CR1: variants seen among roughly 807,000 people sequenced by gnomAD.
CR1 encodes complement C3b/C4b receptor 1 (Knops blood group).
A neutral mutation model predicts 187.3 loss-of-function variants in CR1; 116 were observed. That is an observed-to-expected ratio of 0.62 (90% CI 0.53 to 0.72). The LOEUF (loss-of-function observed/expected upper bound fraction) is 0.72, where lower values mean the gene tolerates loss of function less well. Ranked by LOEUF, CR1 falls within the 30% of genes least tolerant of loss-of-function variation. CR1 has a pLI of 0.00. For synonymous variants in CR1, 576 were observed against 747.1 expected (o/e 0.77, Z 3.73); for missense variants, 1,731 against 2,110.7 (o/e 0.82, Z 3.52).
chr1:207,597,490 A>G (rs1332928509), intron 35 of CR1, among the ~76,000 whole-genome samples: 3 of 152,226 alleles, frequency 2.0e-5, no homozygotes, highest in African/African-American at 4.8e-5. Flanking sequence ...AAACACATCA[A>G]AAGATGTTCA....
At chr1:207,520,338 T>C (rs1659936148) in intron 4 of CR1, among the ~76,000 whole-genome samples, 1 of 152,224 alleles carries the variant, frequency 6.6e-6, no homozygotes, top group Non-Finnish European at 1.5e-5. Flanking sequence ...CTGCATGGAC[T>C]TCGCAGATAT....
At chr1:207,617,596 TATATATATATATATATAGAGAGAGAGAG>T (rs1299348625) in intron 41 of CR1, among the ~76,000 whole-genome samples, 2,338 of 41,490 alleles carry the variant, frequency 0.056, 36 homozygotes, top group East Asian at 0.1. Flanking sequence ...TATATATATA[TATATATATATATATATAGAGAGAGAGAG>T]AGAGAGAGAG....
intron 35 of CR1, 68 bp downstream of exon 35, chr1:207,588,842 C>T (rs1661187755): frequency 9.2e-7 from 1 of 1,084,358 alleles, no homozygotes; most frequent in Non-Finnish European, 1.4e-6. Flanking sequence ...GACCCAGTCT[C>T]AGATAGACAA....
chr1:207,633,335 T>A (rs1357675385), intron 46 of CR1, among the ~76,000 whole-genome samples: 1 of 152,220 alleles, frequency 6.6e-6, no homozygotes, highest in Non-Finnish European at 1.5e-5. Context: ...ATATAAAAAT[T>A]ACCTGCAATA....
intron 3 of CR1, among the ~76,000 whole-genome samples, chr1:207,508,496 A>G (rs184715334): frequency 6.6e-6 from 1 of 152,372 alleles, no homozygotes; most frequent in African/African-American, 2.4e-5. Context: ...GCATAGACAT[A>G]AATACATGGG....
At chr1:207,605,367 A>ACACACACACACG (rs1661719388) in intron 35 of CR1, among the ~76,000 whole-genome samples, 1 of 151,852 alleles carries the variant, frequency 6.6e-6, no homozygotes, top group Non-Finnish European at 1.5e-5. Context: ...ACACACACAC[A>ACACACACACACG]CACAAAACAA....
intron 27 of CR1, among the ~76,000 whole-genome samples, chr1:207,572,986 T>C (rs71253166): frequency 2.9e-4 from 44 of 152,188 alleles, no homozygotes; most frequent in South Asian, 6.2e-4. Flanking sequence ...TAGGGCCTAC[T>C]TTCATGACCT....
rs781318445 is a variant in CR1, at chr1:207,609,244, C to T, written c.5897-46C>T. ...TATTTAAATTCATAGTAAAATAATTCATTATTAAAAAATAAGCTGTTTTAC... is the reference window on the plus strand; with the variant it reads ...TATTTAAATTCATAGTAAAATAATTTATTATTAAAAAATAAGCTGTTTTAC... On this transcript the variant is annotated intron_variant, in intron 36 of 46. Coordinates refer to ENST00000367049, the MANE Select transcript of CR1 (RefSeq NM_000651.6). The T allele has an allele frequency of 2.7e-6, 4 of 1,455,516 alleles. No individual in the cohort carries two copies. In the East Asian group the frequency reaches 7.0e-5, roughly 26 times the overall value. The allele number at this position is 1,455,516 out of a possible 1,614,324, so 90.2% of individuals were successfully genotyped here. A position where few individuals can be genotyped will look rare whatever the true frequency, so the allele number is the denominator to read the frequency against.
At chr1:207,568,140 T>A in intron 25 of CR1, 98 bp downstream of exon 25, 2 of 1,598,426 alleles carry the variant, frequency 1.3e-6, no homozygotes, top group Non-Finnish European at 8.5e-7. Context: ...TTTGTATGTA[T>A]GCATTTGCCA....
chr1:207,496,418 C>G, intron 1 of CR1, 30 bp downstream of exon 1: 1 of 1,583,270 alleles, frequency 6.3e-7, no homozygotes, highest in Non-Finnish European at 8.6e-7. Context: ...GGGGAGGCGC[C>G]CGGGCGGACG....
rs781494007 is a variant in CR1 at position 207,577,841 on chromosome 1, G to A, written c.4574G>A (p.Gly1525Glu). 3 of 1,613,780 alleles carry A rather than the reference G, an allele frequency of 1.9e-6. No homozygotes were observed. The highest frequency in any genetic ancestry group is 1.3e-5 in the African/African-American group (1 of 74,908). The change falls in exon 29 of 47, where the codon GGA (glycine) becomes GAA (glutamate). Residue 1525 changes from glycine (G) to glutamate (E), a missense_variant. By Grantham distance (98) the Gly-to-Glu change is moderately conservative. Transcript: ENST00000367049. ...GGGCTACCCCCAACCATCGCCAATG[G>A]AGATTTCATTAGCACCAACAGAGAG... The part of the protein sequence containing the change: ...PCGLPPTIAN[G>E]DFISTNRENF...
rs139593962 is a variant in CR1 at position 207,564,749 on chromosome 1, C to A, written c.3866+515C>A. ...CTGGGAGGTGGAGTTTGCAGTGAGC[C>A]GAGATGGCACCATTGCACTCCAGCG... is the stretch of plus-strand genomic sequence containing the variant. On this transcript the variant is annotated intron_variant, in intron 23 of 46. Transcript: ENST00000367049. 1.5e-4 allele frequency among the ~76,000 whole-genome samples: 22 copies of A among 150,048 alleles called. No homozygotes were observed. The East Asian group carries it at 4.1e-3, about 28-fold the overall frequency.
At chr1:207,575,459 G>A (rs1247405173) in intron 27 of CR1, 136 bp from the exon 28 acceptor site, 35 of 1,077,508 alleles carry the variant, frequency 3.2e-5, no homozygotes, top group Non-Finnish European at 4.8e-5. Context: ...TAGAAGAGCT[G>A]GAAACAATAG....
At position 207,615,429 on chromosome 1, in the gene CR1, A is replaced by C. The variant is rs571177337; in HGVS notation, c.6661+940A>C. ...TATGATAAATTAGTACGATGGAAGG[A>C]GCTGGGATGATGAATCAGTGTCTGA... On this transcript the variant is annotated intron_variant, in intron 40 of 46. Transcript: ENST00000367049. Among the ~76,000 whole-genome samples, 29 of 152,326 alleles carry C rather than the reference A, an allele frequency of 1.9e-4. No homozygotes were observed. The South Asian group carries it at 6.0e-3, about 32-fold the overall frequency.
At chr1:207,576,999 C>A (rs1660768112) in intron 28 of CR1, among the ~76,000 whole-genome samples, 2 of 152,096 alleles carry the variant, frequency 1.3e-5, no homozygotes, top group Admixed American at 6.5e-5. Context: ...GCCTGTACTC[C>A]CAGCACATTA....
Position 207,583,110 on chromosome 1 carries a change from T to G in CR1, c.5302+1107T>G, listed in dbSNP as rs563134452. ...TGGACTGAGCCTGGATGTCCAGGAT[T>G]AAGAGTTGCAAAGGTGAGAAGGAAT... On this transcript the variant is annotated intron_variant, in intron 32 of 46. Coordinates refer to ENST00000367049, the MANE Select transcript of CR1 (RefSeq NM_000651.6). Among the ~76,000 whole-genome samples, 3 of 152,186 alleles carry G rather than the reference T, an allele frequency of 2.0e-5. 1 individual carries two copies. The South Asian group carries it at 6.2e-4, about 32-fold the overall frequency.
At chr1:207,525,441 G>A (rs1230900132) in intron 5 of CR1, among the ~76,000 whole-genome samples, 6 of 152,020 alleles carry the variant, frequency 3.9e-5, no homozygotes, top group Non-Finnish European at 5.9e-5. Context: ...TAAGCTGCTA[G>A]TGCTGCAGGA....
chr1:207,590,239 C>T (rs1317173285), intron 35 of CR1, among the ~76,000 whole-genome samples: 1 of 152,110 alleles, frequency 6.6e-6, no homozygotes, highest in African/African-American at 2.4e-5. Flanking sequence ...AAAGGGAAGC[C>T]CATCAGACTA....
chr1:207,583,795 G>GAAAATA (rs1190198114), intron 32 of CR1, among the ~76,000 whole-genome samples: 63 of 152,204 alleles, frequency 4.1e-4, no homozygotes, highest in East Asian at 5.8e-4. Context: ...AAAAGAAAAA[G>GAAAATA]AAAATACCCT....
Sources: gnomAD v4.1 joint callset for allele counts (sites outside exome capture counted in the v4.1 genomes callset) on GRCh38, gnomAD v4.1.1 for gene constraint, MANE v1.5 for transcripts, NCBI Gene and HGNC (gene_info 2026-07-23, HGNC 2026-07-21) for gene names.